The following CATSPERD variants were observed in gnomAD, a reference collection of about 807,000 sequenced individuals.
CATSPERD encodes the protein cation channel sperm-associated auxiliary subunit delta.
In CATSPERD, 86 loss-of-function variants were observed where a neutral mutation model predicts 98.1. The observed-to-expected ratio is 0.88, with a 90% CI of 0.74 to 1.05. The LOEUF (loss-of-function observed/expected upper bound fraction) is 1.05, where lower values mean the gene tolerates loss of function less well. Ranked by LOEUF, CATSPERD falls within the 50% of genes least tolerant of loss-of-function variation. CATSPERD has a pLI of 0.00. For synonymous variants in CATSPERD, 394 were observed against 390.2 expected (o/e 1.01, Z -0.12); for missense variants, 995 against 1,005.7 (o/e 0.99, Z 0.14).
At chr19:5,749,576 G>A (rs897014612) in intron 11 of CATSPERD, among the ~76,000 whole-genome samples, 2 of 152,130 alleles carry the variant, frequency 1.3e-5, no homozygotes, top group Non-Finnish European at 1.5e-5. Flanking sequence ...AACAACAGCA[G>A]CTAAAAGGGG....
intron 17 of CATSPERD, 133 bp downstream of exon 17, chr19:5,766,288 T>G: frequency 5.1e-6 from 1 of 195,846 alleles, no homozygotes; most frequent in Non-Finnish European, 8.4e-6. Context: ...CCGTCTCTAC[T>G]GAAAAAAAAA....
At chr19:5,730,159 GA>G (rs1468001064) in intron 4 of CATSPERD, among the ~76,000 whole-genome samples, 2 of 151,900 alleles carry the variant, frequency 1.3e-5, no homozygotes. Context: ...TCCTGAAAAA[GA>G]AAAAAAGAGT....
intron 13 of CATSPERD, 148 bp downstream of exon 13, chr19:5,754,393 CTTTTTTTTTTT>C (rs749080620): frequency 2.6e-5 from 6 of 229,706 alleles, no homozygotes; most frequent in South Asian, 3.6e-5. Context: ...GTCTCTGTGT[CTTTTTTTTTTT>C]TTTTTTTTTT....
chr19:5,738,638 C>G (rs2055895821), intron 6 of CATSPERD, among the ~76,000 whole-genome samples: 1 of 152,170 alleles, frequency 6.6e-6, no homozygotes, highest in African/African-American at 2.4e-5. Flanking sequence ...GGGTAGAGTG[C>G]AGTGGCGCAA....
chr19:5,768,261 G>T lies in CATSPERD; in HGVS notation c.1634+19G>T. On this transcript the variant is annotated intron_variant, in intron 18 of 21. Transcript: ENST00000381624. ...TCGAGAAGTAAGCCAGCGTCCCCCC[G>T]CAACACCTGACACCCAAGGCGACCA... The T allele has an allele frequency of 6.2e-7, 1 of 1,606,990 alleles. No individual in the cohort carries two copies. Among genetic ancestry groups the T allele is most frequent in the South Asian group, 1.1e-5 (1 of 90,312 alleles).
intron 3 of CATSPERD, among the ~76,000 whole-genome samples, chr19:5,728,888 A>G (rs2055661886): frequency 6.6e-6 from 1 of 151,582 alleles, no homozygotes; most frequent in Non-Finnish European, 1.5e-5. Flanking sequence ...TAGTAAAGAC[A>G]GAGTTTTTAC....
At chr19:5,755,344 G>A (rs1010685664) in intron 13 of CATSPERD, among the ~76,000 whole-genome samples, 10 of 151,988 alleles carry the variant, frequency 6.6e-5, no homozygotes, top group African/African-American at 2.4e-4. Context: ...ATTATACTCA[G>A]ACTATTGAGT....
rs575467065 is a variant in CATSPERD at position 5,752,923 on chromosome 19, G to A, written c.1164+1100G>A. Among the ~76,000 whole-genome samples the A allele has an allele frequency of 2.1e-3, 323 of 151,754 alleles. 2 individuals carry two copies. Among genetic ancestry groups the A allele is most frequent in the Middle Eastern group, 3.4e-3 (1 of 294 alleles). ...CATGCTTGTAATCCCAGCTACTCAGGAGGCTGAGGCAGGAGAATCGCTTGA... is the reference window on the plus strand; with the variant it reads ...CATGCTTGTAATCCCAGCTACTCAGAAGGCTGAGGCAGGAGAATCGCTTGA... On this transcript the variant is annotated intron_variant, in intron 12 of 21. Transcript: ENST00000381624.
In CATSPERD at chr19:5,724,840, A is replaced by G; in HGVS notation, c.104A>G (p.Asn35Ser). The change falls in exon 2 of 22, where the codon AAT becomes AGT. Residue 35 changes from asparagine to serine, a missense_variant. This residue lies in a region of CATSPERD where 228 missense variants were observed against 209.6 expected (regional missense o/e 1.09). Transcript: ENST00000381624. ...SRTVRTGKVF[N>S]LIQDVQGDRL... ...ACAGTGAGGACAGGAAAAGTGTTTA[A>G]TCTGATACAGGACGTTCAAGGGGTA... is the stretch of plus-strand genomic sequence containing the variant. 1 of 1,614,080 alleles carries G rather than the reference A, an allele frequency of 6.2e-7. No homozygotes were observed. The highest frequency in any genetic ancestry group is 8.5e-7 in the Non-Finnish European group (1 of 1,179,952).
At chr19:5,730,506 G>A (rs2055692528) in intron 4 of CATSPERD, among the ~76,000 whole-genome samples, 1 of 151,684 alleles carries the variant, frequency 6.6e-6, no homozygotes, top group Admixed American at 6.6e-5. Context: ...TCGAGGCACT[G>A]CACTCCAGCC....
chr19:5,724,929 C>T, intron 2 of CATSPERD, 67 bp downstream of exon 2: 1 of 1,464,532 alleles, frequency 6.8e-7, no homozygotes, highest in Non-Finnish European at 9.6e-7. Flanking sequence ...GGTAACACTT[C>T]CTGGTATTTC....
chr19:5,757,865 C>A lies in CATSPERD; in HGVS notation c.1301C>A (p.Ser434Tyr), dbSNP rs1415890178. The change falls in exon 14 of 22, where the codon TCC (serine) becomes TAC (tyrosine). Residue 434 changes from serine to tyrosine, a missense_variant. Physicochemically the swap from Ser to Tyr is moderately radical, Grantham distance 144 (BLOSUM62 -2). Coordinates refer to ENST00000381624, the MANE Select transcript of CATSPERD (RefSeq NM_152784.4). The stretch of plus-strand genomic sequence containing the variant: ...CAGGTGATGGTGAGCAACCCCCACT[C>A]CCTGGGGTTCCAGGCCACCTTCTAC... ...IPLVMVSNPHSLGFQATFYEN... is the reference protein window; with the variant it reads ...IPLVMVSNPHYLGFQATFYEN... 2 of 1,613,312 alleles carry A rather than the reference C, an allele frequency of 1.2e-6. No homozygotes were observed. The highest frequency in any genetic ancestry group is 3.3e-4 in the Middle Eastern group (2 of 6,056).
chr19:5,769,027 AC>A (rs2056596913), intron 18 of CATSPERD, among the ~76,000 whole-genome samples: 1 of 151,794 alleles, frequency 6.6e-6, no homozygotes, highest in South Asian at 2.1e-4. Flanking sequence ...GGTGGTGGGC[AC>A]CTGTAATGCC....
rs2055789380 is a variant in CATSPERD at position 5,733,980 on chromosome 19, T to C, written c.391+10T>C. The C allele has an allele frequency of 6.5e-7, 1 of 1,537,488 alleles. No individual in the cohort carries two copies. Among genetic ancestry groups the C allele is most frequent in the South Asian group, 1.2e-5 (1 of 86,280 alleles). Reference sequence around the variant, plus strand: ...TGGAGCATGTCTTTAGGTATGTACATTTTGTATTTTTAAATTTTGTTTGAG... The same window carrying C: ...TGGAGCATGTCTTTAGGTATGTACACTTTGTATTTTTAAATTTTGTTTGAG... On this transcript the variant is annotated intron_variant, in intron 5 of 21. Coordinates refer to ENST00000381624, the MANE Select transcript of CATSPERD (RefSeq NM_152784.4).
At position 5,763,267 on chromosome 19, in the gene CATSPERD, A is replaced by C; in HGVS notation, c.1480A>C (p.Ile494Leu). The C allele has an allele frequency of 6.2e-7, 1 of 1,614,032 alleles. No individual in the cohort carries two copies. The highest frequency in any genetic ancestry group is 8.5e-7 in the Non-Finnish European group (1 of 1,179,988). The part of the protein sequence containing the change: ...TLTVDIANKE[I>L]SCVDIKPLST... ...AACTGTGGACATAGCAAACAAGGAA[A>C]TTTCATGTGTGGATATCAAGCCACT... The change falls in exon 16 of 22, where the codon ATT (isoleucine) becomes CTT (leucine). Residue 494 changes from isoleucine to leucine, a missense_variant. Transcript: ENST00000381624.
At chr19:5,775,648 CAAAA>C (rs1156270373) in intron 20 of CATSPERD, among the ~76,000 whole-genome samples, 2 of 61,492 alleles carry the variant, frequency 3.3e-5, no homozygotes, top group South Asian at 5.8e-4. Context: ...AACCCCATCT[CAAAA>C]AAAAAAAAAA....
intron 20 of CATSPERD, among the ~76,000 whole-genome samples, chr19:5,775,648 C>CAAAA (rs1156270373): frequency 1.1e-4 from 7 of 61,294 alleles, no homozygotes; most frequent in African/African-American, 1.6e-4. Flanking sequence ...AACCCCATCT[C>CAAAA]AAAAAAAAAA....
intron 4 of CATSPERD, among the ~76,000 whole-genome samples, chr19:5,731,559 A>ATTTT (rs1568342216): frequency 3.8e-5 from 3 of 78,508 alleles, no homozygotes; most frequent in African/African-American, 9.3e-5. Context: ...GACACTTAAC[A>ATTTT]GTTTTTTTTT....
chr19:5,749,681 T>C (rs1481352199), intron 11 of CATSPERD, among the ~76,000 whole-genome samples: 1 of 152,040 alleles, frequency 6.6e-6, no homozygotes, highest in Non-Finnish European at 1.5e-5. Flanking sequence ...CCTCATATCG[T>C]CCCTATTTGA....
Sources: gnomAD v4.1 joint callset for allele counts (sites outside exome capture counted in the v4.1 genomes callset) on GRCh38, gnomAD v4.1.1 for gene constraint, gnomAD v4.1.1 regional missense constraint, MANE v1.5 for transcripts, NCBI Gene and HGNC (gene_info 2026-07-23, HGNC 2026-07-21) for gene names.